The following PHACTR1 variants were observed in gnomAD, a reference collection of about 807,000 sequenced individuals.
PHACTR1 encodes the protein phosphatase and actin regulator 1.
Under a neutral mutation model 69.2 loss-of-function variants are expected in PHACTR1, and 16 were observed. That is an observed-to-expected ratio of 0.23 (90% confidence interval 0.16 to 0.35). The LOEUF (loss-of-function observed/expected upper bound fraction) is 0.35, where lower values mean the gene tolerates loss of function less well. Among genes scored for constraint, PHACTR1 ranks in the 10% least tolerant of loss-of-function variants. The probability of loss-of-function intolerance (pLI) is 1.00; values close to 1 mark genes in which losing one functional copy is unlikely to be tolerated. For synonymous variants in PHACTR1, 312 were observed against 284.5 expected (o/e 1.10, Z -0.97); for missense variants, 510 against 734.7 (o/e 0.69, Z 3.54).
chr6:12,795,843 A>G (rs1017676018), intron 4 of PHACTR1, among the ~76,000 whole-genome samples: 13 of 151,630 alleles, frequency 8.6e-5, no homozygotes, highest in African/African-American at 3.2e-4. Context: ...GGAAGTCTTG[A>G]TAGAATACTG....
At chr6:13,243,305 T>C (rs1247506309) in intron 10 of PHACTR1, among the ~76,000 whole-genome samples, 3 of 151,934 alleles carry the variant, frequency 2.0e-5, no homozygotes, top group African/African-American at 7.3e-5. Context: ...TAACCACTTA[T>C]GAGCTTAAAA....
At chr6:12,862,508 C>G (rs1369444951) in intron 4 of PHACTR1, among the ~76,000 whole-genome samples, 4 of 152,264 alleles carry the variant, frequency 2.6e-5, no homozygotes, top group South Asian at 4.1e-4. Flanking sequence ...CACAGAGATA[C>G]TTACTGTTTA....
chr6:13,014,800 T>C (rs1467930562), intron 4 of PHACTR1, among the ~76,000 whole-genome samples: 1 of 152,184 alleles, frequency 6.6e-6, no homozygotes, highest in African/African-American at 2.4e-5. Flanking sequence ...TCCCGCAGTC[T>C]AATCTGAAGT....
intron 4 of PHACTR1, among the ~76,000 whole-genome samples, chr6:12,832,687 C>G (rs555796463): frequency 6.6e-6 from 1 of 152,142 alleles, no homozygotes; most frequent in Admixed American, 6.5e-5. Context: ...TTCACTTACC[C>G]CATTGCTTGT....
intron 5 of PHACTR1, among the ~76,000 whole-genome samples, chr6:13,141,037 AAG>A (rs1822358699): frequency 6.6e-6 from 1 of 152,224 alleles, no homozygotes; most frequent in Admixed American, 6.5e-5. Flanking sequence ...AACCTCGGGC[AAG>A]AGTTTCTAGT....
At chr6:12,907,215 T>C (rs916844650) in intron 4 of PHACTR1, among the ~76,000 whole-genome samples, 1 of 152,234 alleles carries the variant, frequency 6.6e-6, no homozygotes, top group Non-Finnish European at 1.5e-5. Flanking sequence ...TAGTCAACTG[T>C]CTGGGCAACT....
chr6:13,224,055 T>G (rs1423579639), intron 8 of PHACTR1, among the ~76,000 whole-genome samples: 2 of 152,200 alleles, frequency 1.3e-5, no homozygotes, highest in Non-Finnish European at 2.9e-5. Context: ...TATCTAAATG[T>G]CAGTCATTCC....
At chr6:12,880,423 T>C (rs1372422725) in intron 4 of PHACTR1, among the ~76,000 whole-genome samples, 1 of 152,042 alleles carries the variant, frequency 6.6e-6, no homozygotes, top group Non-Finnish European at 1.5e-5. Context: ...ACCTGGCTAA[T>C]TCTTGTATTT....
chr6:12,957,058 C>A (rs74345405), intron 4 of PHACTR1, among the ~76,000 whole-genome samples: 183 of 131,536 alleles, frequency 1.4e-3, no homozygotes, highest in East Asian at 0.014. Context: ...CTTCCTCCCT[C>A]TTCCCTTCCT....
At chr6:13,175,788 T>C (rs918731373) in intron 6 of PHACTR1, among the ~76,000 whole-genome samples, 1 of 152,180 alleles carries the variant, frequency 6.6e-6, no homozygotes, top group African/African-American at 2.4e-5. Context: ...TTCTGAACCA[T>C]GTGAGAAATA....
rs916470668 is a variant in PHACTR1, at chr6:12,736,283, A to G, written c.104-13361A>G. ...ATTTACATTTTGTAGCTTTTCATGA[A>G]TGATTTTCAATATTGCCACTATAAT... On this transcript the variant is annotated intron_variant, in intron 3 of 14. Coordinates refer to ENST00000332995, the MANE Select transcript of PHACTR1 (RefSeq NM_030948.6). 2.4e-4 allele frequency among the ~76,000 whole-genome samples: 36 copies of G among 152,170 alleles called. 1 individual carries two copies. The highest frequency in any genetic ancestry group is 2.2e-3 in the Admixed American group (33 of 15,272).
chr6:13,214,212 T>G (rs1767326635), intron 8 of PHACTR1: 1 of 106,368 alleles, frequency 9.4e-6, no homozygotes, highest in African/African-American at 3.1e-5. Flanking sequence ...TGCTTGCGCT[T>G]TCCCCTGAAA....
chr6:12,761,176 C>A (rs1767984074), intron 4 of PHACTR1, among the ~76,000 whole-genome samples: 1 of 152,164 alleles, frequency 6.6e-6, no homozygotes, highest in African/African-American at 2.4e-5. Flanking sequence ...AATGCTTTGC[C>A]AACAGCCAAG....
chr6:13,044,217 C>T (rs779584127), intron 4 of PHACTR1, among the ~76,000 whole-genome samples: 2 of 152,100 alleles, frequency 1.3e-5, no homozygotes, highest in African/African-American at 2.4e-5. Flanking sequence ...GTATCTTCAT[C>T]CTTCTAACAC....
At chr6:13,228,605 T>G (rs1251127198) in intron 9 of PHACTR1, among the ~76,000 whole-genome samples, 2 of 152,234 alleles carry the variant, frequency 1.3e-5, no homozygotes, top group African/African-American at 2.4e-5. Context: ...TTTAGTTACG[T>G]GAGTACAGCC....
chr6:12,906,794 A>C (rs1785779956), intron 4 of PHACTR1, among the ~76,000 whole-genome samples: 1 of 152,178 alleles, frequency 6.6e-6, no homozygotes, highest in Non-Finnish European at 1.5e-5. Context: ...CCCCCAAAAG[A>C]ACTCCAATTG....
At chr6:13,251,826 A>G (rs1774454240) in intron 10 of PHACTR1, among the ~76,000 whole-genome samples, 1 of 152,094 alleles carries the variant, frequency 6.6e-6, no homozygotes, top group Admixed American at 6.6e-5. Flanking sequence ...AGGCTGAGGC[A>G]GGAGGATTGC....
chr6:13,050,571 T>C (rs1805797205), intron 4 of PHACTR1, among the ~76,000 whole-genome samples: 1 of 152,192 alleles, frequency 6.6e-6, no homozygotes, highest in East Asian at 1.9e-4. Flanking sequence ...CTTCGATCTC[T>C]CACTTTCCCC....
chr6:12,893,930 GC>G (rs1784394706), intron 4 of PHACTR1, among the ~76,000 whole-genome samples: 1 of 152,212 alleles, frequency 6.6e-6, no homozygotes, highest in South Asian at 2.1e-4. Flanking sequence ...CTGAGCAGGG[GC>G]AAAGGAGACA....
Sources: gnomAD v4.1 joint callset for allele counts (sites outside exome capture counted in the v4.1 genomes callset) on GRCh38, gnomAD v4.1.1 for gene constraint, MANE v1.5 for transcripts, NCBI Gene and HGNC (gene_info 2026-07-23, HGNC 2026-07-21) for gene names.